The following LCLAT1 variants were observed in gnomAD, a reference collection of about 807,000 sequenced individuals.
The protein encoded by LCLAT1 is lysocardiolipin acyltransferase 1.
LCLAT1 carries 11 observed loss-of-function variants against 30.7 expected under a neutral mutation model. The ratio of observed to expected loss-of-function variants is 0.36; its 90% confidence interval spans 0.23 to 0.59. The LOEUF is 0.59. LCLAT1 is among the 20% of genes least tolerant of loss of function. The probability of loss-of-function intolerance (pLI) is 0.77; values close to 1 mark genes in which losing one functional copy is unlikely to be tolerated. For synonymous variants in LCLAT1, 155 were observed against 151.3 expected, an observed-to-expected ratio of 1.02 and a Z score of -0.18; for missense variants, 402 against 458.6, an observed-to-expected ratio of 0.88 and a Z score of 1.13.
intron 1 of LCLAT1, among the ~76,000 whole-genome samples, chr2:30,488,725 G>A (rs573373612): frequency 1.3e-5 from 2 of 152,322 alleles, no homozygotes; most frequent in South Asian, 4.1e-4. Context: ...ACTGAGAATT[G>A]TAGAGCTAGA....
chr2:30,640,094 G>A, intron 5 of LCLAT1, 23 bp from the exon 6 acceptor site: 1 of 1,588,248 alleles, frequency 6.3e-7, no homozygotes, highest in Non-Finnish European at 8.6e-7. Flanking sequence ...CTTAATCTAT[G>A]TTTTCATCTT....
At chr2:30,532,716 T>C (rs1686041091) in intron 2 of LCLAT1, among the ~76,000 whole-genome samples, 1 of 152,040 alleles carries the variant, frequency 6.6e-6, no homozygotes, top group Non-Finnish European at 1.5e-5. Flanking sequence ...AGTTTACCTT[T>C]CCGGGATTTT....
intron 5 of LCLAT1, among the ~76,000 whole-genome samples, chr2:30,619,684 T>C (rs1668152912): frequency 6.6e-6 from 1 of 152,316 alleles, no homozygotes; most frequent in South Asian, 2.1e-4. Flanking sequence ...AAGCTGAGCA[T>C]GCCAAATGCA....
intron 5 of LCLAT1, among the ~76,000 whole-genome samples, chr2:30,572,309 C>G (rs1665813013): frequency 6.6e-6 from 1 of 152,142 alleles, no homozygotes; most frequent in African/African-American, 2.4e-5. Flanking sequence ...TAAAAACAAC[C>G]ATCTAACACT....
chr2:30,528,900 T>G (rs976051528), intron 2 of LCLAT1, among the ~76,000 whole-genome samples: 1 of 152,136 alleles, frequency 6.6e-6, no homozygotes, highest in Admixed American at 6.5e-5. Context: ...ACAGAAAAAT[T>G]GATATTCTAG....
chr2:30,560,705 T>C (rs1410506798), intron 3 of LCLAT1, among the ~76,000 whole-genome samples: 3 of 152,190 alleles, frequency 2.0e-5, no homozygotes, highest in Admixed American at 2.0e-4. Flanking sequence ...TTCTGTTGTA[T>C]TTATCAAATG....
At chr2:30,617,439 A>T (rs912298262) in intron 5 of LCLAT1, among the ~76,000 whole-genome samples, 4 of 152,162 alleles carry the variant, frequency 2.6e-5, no homozygotes, top group Non-Finnish European at 4.4e-5. Flanking sequence ...TCATGGACTG[A>T]TAGACACCTG....
chr2:30,469,452 CAT>C (rs1682656040), intron 1 of LCLAT1, among the ~76,000 whole-genome samples: 1 of 151,978 alleles, frequency 6.6e-6, no homozygotes, highest in African/African-American at 2.4e-5. Flanking sequence ...CCAGTAGTAT[CAT>C]TTGTTACAGA....
At chr2:30,570,737 G>C (rs1160155348) in intron 5 of LCLAT1, among the ~76,000 whole-genome samples, 1 of 152,180 alleles carries the variant, frequency 6.6e-6, no homozygotes, top group Non-Finnish European at 1.5e-5. Context: ...AATAGGAAAA[G>C]AATTTAAAAA....
chr2:30,494,466 A>G (rs1030349877), intron 1 of LCLAT1, among the ~76,000 whole-genome samples: 1 of 152,144 alleles, frequency 6.6e-6, no homozygotes, highest in African/African-American at 2.4e-5. Context: ...GGACAATAAT[A>G]TCTATCTTGA....
chr2:30,640,237 A>G lies in LCLAT1; in HGVS notation c.749A>G (p.Tyr250Cys), dbSNP rs969348933. The change falls in exon 6 of 6, where the codon TAT becomes TGT. Residue 250 changes from tyrosine (Y) to cysteine (C), a missense_variant. Tyr to Cys is a radical substitution (Grantham distance 194). Coordinates refer to ENST00000379509, the MANE Select transcript of LCLAT1 (RefSeq NM_001002257.3). ...PREIHFHVHRYPIDTLPTSKE... is the reference protein window; with the variant it reads ...PREIHFHVHRCPIDTLPTSKE... ...GAAATCCACTTTCACGTCCACCGGTATCCAATAGACACCCTCCCCACATCC... is the reference window on the plus strand; with the variant it reads ...GAAATCCACTTTCACGTCCACCGGTGTCCAATAGACACCCTCCCCACATCC... 2.9e-5 allele frequency: 47 copies of G among 1,613,930 alleles called. No homozygotes were observed. The highest frequency in any genetic ancestry group is 8.5e-7 in the Non-Finnish European group (1 of 1,179,920).
chr2:30,499,324 G>C (rs1044326070), intron 1 of LCLAT1, among the ~76,000 whole-genome samples: 1 of 152,156 alleles, frequency 6.6e-6, no homozygotes, highest in Non-Finnish European at 1.5e-5. Context: ...GGGATTACAG[G>C]TGCCCGCCAT....
At chr2:30,634,173 T>G (rs1479990465) in intron 5 of LCLAT1, among the ~76,000 whole-genome samples, 1 of 152,234 alleles carries the variant, frequency 6.6e-6, no homozygotes, top group Admixed American at 6.5e-5. Flanking sequence ...TATAAACAAC[T>G]ATGGGCCCAA....
At chr2:30,604,355 C>CT (rs1212702781) in intron 5 of LCLAT1, among the ~76,000 whole-genome samples, 1 of 152,094 alleles carries the variant, frequency 6.6e-6, no homozygotes, top group Non-Finnish European at 1.5e-5. Context: ...GTCTAGCTGT[C>CT]TTTTAATCAG....
intron 5 of LCLAT1, among the ~76,000 whole-genome samples, chr2:30,637,470 T>C (rs1251621324): frequency 2.0e-5 from 3 of 152,178 alleles, no homozygotes; most frequent in Non-Finnish European, 4.4e-5. Flanking sequence ...AAATTCCCAC[T>C]GTAGCATACA....
At chr2:30,507,449 T>C (rs1049588011) in intron 1 of LCLAT1, among the ~76,000 whole-genome samples, 7 of 152,186 alleles carry the variant, frequency 4.6e-5, no homozygotes, top group African/African-American at 1.2e-4. Context: ...TACCTGTTAG[T>C]TATTTTTCCT....
intron 1 of LCLAT1, among the ~76,000 whole-genome samples, chr2:30,482,960 A>G (rs1014737407): frequency 6.6e-6 from 1 of 152,170 alleles, no homozygotes; most frequent in Non-Finnish European, 1.5e-5. Context: ...GTCATGGCCA[A>G]GAGGAGCCAA....
chr2:30,462,891 A>G lies in LCLAT1; in HGVS notation c.-5+15508A>G, dbSNP rs1359413605. Reference sequence around the variant, plus strand: ...ATAGGGAGCATTCTTTAGCATAGATAAGTTTTGGTAAATAGATAGTTTTAA... The same window carrying G: ...ATAGGGAGCATTCTTTAGCATAGATGAGTTTTGGTAAATAGATAGTTTTAA... On this transcript the variant is annotated intron_variant, in intron 1 of 5. Transcript: ENST00000379509. Among the ~76,000 whole-genome samples the G allele has an allele frequency of 3.9e-5, 6 of 152,190 alleles. No individual in the cohort carries two copies. The East Asian group carries it at 1.2e-3, about 29-fold the overall frequency.
chr2:30,540,263 T>C (rs940368024), intron 3 of LCLAT1, among the ~76,000 whole-genome samples: 1 of 152,230 alleles, frequency 6.6e-6, no homozygotes, highest in Non-Finnish European at 1.5e-5. Context: ...AGAAAGTATT[T>C]AGCAATATAT....
Sources: gnomAD v4.1 joint callset for allele counts (sites outside exome capture counted in the v4.1 genomes callset) on GRCh38, gnomAD v4.1.1 for gene constraint, MANE v1.5 for transcripts, NCBI Gene and HGNC (gene_info 2026-07-23, HGNC 2026-07-21) for gene names.